GPC5: variants seen among roughly 807,000 people sequenced by gnomAD.
The protein encoded by GPC5 is glypican-5.
GPC5 carries 47 observed loss-of-function variants against 53.9 expected under a neutral mutation model. The observed-to-expected ratio is 0.87, with a 90% confidence interval of 0.69 to 1.11. GPC5 has a LOEUF of 1.11. Ranked by LOEUF, GPC5 falls within the 50% of genes most tolerant of loss-of-function variation. The probability of loss-of-function intolerance (pLI) is 0.00; values close to 1 mark genes in which losing one functional copy is unlikely to be tolerated. For synonymous variants in GPC5, 286 were observed against 263.3 expected (o/e 1.09, Z -0.84); for missense variants, 748 against 713.1 (o/e 1.05, Z -0.56).
At chr13:92,205,789 G>A (rs2042329591) in intron 7 of GPC5, among the ~76,000 whole-genome samples, 1 of 152,176 alleles carries the variant, frequency 6.6e-6, no homozygotes, top group Non-Finnish European at 1.5e-5. Flanking sequence ...GCTCACGCCT[G>A]TAATCCTAGC....
chr13:92,762,572 G>T (rs1395163818), intron 7 of GPC5, among the ~76,000 whole-genome samples: 1 of 152,070 alleles, frequency 6.6e-6, no homozygotes, highest in Non-Finnish European at 1.5e-5. Flanking sequence ...AGTTGAACAT[G>T]TCTGGAGTCT....
intron 7 of GPC5, among the ~76,000 whole-genome samples, chr13:92,555,730 T>C (rs1397047563): frequency 1.3e-5 from 2 of 149,722 alleles, no homozygotes; most frequent in African/African-American, 4.9e-5. Context: ...AATATATGAA[T>C]ATATAAATTT....
At chr13:91,474,451 T>C (rs1454987019) in intron 2 of GPC5, among the ~76,000 whole-genome samples, 2 of 152,140 alleles carry the variant, frequency 1.3e-5, no homozygotes, top group Non-Finnish European at 2.9e-5. Context: ...GAGTATATGA[T>C]TATATGAGCT....
intron 3 of GPC5, among the ~76,000 whole-genome samples, chr13:91,700,255 A>G (rs868342324): frequency 7.2e-5 from 11 of 152,174 alleles, no homozygotes; most frequent in Non-Finnish European, 7.3e-5. Flanking sequence ...GGCAAGTCCA[A>G]AATTCTTTAG....
At chr13:91,563,581 C>T (rs552275674) in intron 2 of GPC5, among the ~76,000 whole-genome samples, 23 of 152,182 alleles carry the variant, frequency 1.5e-4, no homozygotes, top group African/African-American at 2.9e-4. Context: ...ATAAATAGAA[C>T]GACTTAATTG....
intron 6 of GPC5, among the ~76,000 whole-genome samples, chr13:91,985,046 G>A (rs1178112540): frequency 6.6e-6 from 1 of 152,108 alleles, no homozygotes; most frequent in African/African-American, 2.4e-5. Context: ...TAATTAGAAA[G>A]TTATCGTAAA....
intron 6 of GPC5, among the ~76,000 whole-genome samples, chr13:91,954,170 T>G (rs1453947726): frequency 6.6e-6 from 1 of 152,166 alleles, no homozygotes; most frequent in African/African-American, 2.4e-5. Flanking sequence ...TAGGAAGGCA[T>G]GACATCGTTC....
At chr13:91,943,881 GA>G (rs879843330) in intron 6 of GPC5, among the ~76,000 whole-genome samples, 48 of 150,378 alleles carry the variant, frequency 3.2e-4, no homozygotes, top group African/African-American at 3.9e-4. Flanking sequence ...TTTTTTTTAA[GA>G]AAAAAAAGAT....
intron 2 of GPC5, among the ~76,000 whole-genome samples, chr13:91,570,824 A>G (rs931750886): frequency 2.6e-5 from 4 of 152,178 alleles, no homozygotes; most frequent in African/African-American, 9.6e-5. Context: ...TGGCCCATTG[A>G]TGGGATGCAT....
intron 2 of GPC5, among the ~76,000 whole-genome samples, chr13:91,685,571 A>C (rs1321305869): frequency 6.6e-6 from 1 of 152,204 alleles, no homozygotes; most frequent in Non-Finnish European, 1.5e-5. Flanking sequence ...AATACCTAAC[A>C]TAACAATAAA....
intron 7 of GPC5, among the ~76,000 whole-genome samples, chr13:92,715,210 T>C (rs1441276646): frequency 6.6e-6 from 1 of 152,214 alleles, no homozygotes; most frequent in Non-Finnish European, 1.5e-5. Flanking sequence ...TCAGCACAGG[T>C]TCCTGAAAAA....
intron 7 of GPC5, among the ~76,000 whole-genome samples, chr13:92,705,725 G>T (rs537536284): frequency 6.6e-6 from 1 of 152,140 alleles, no homozygotes; most frequent in South Asian, 2.1e-4. Context: ...AATGTATAAA[G>T]TTATTTTTTA....
rs188413027 is a variant in GPC5 at position 91,608,187 on chromosome 13, G to A, written c.326-85000G>A. ...TAAGGTGTGACAATTTCCAGGGAACGCATTGATTATTCAGCAATTATTTAT... is the reference window on the plus strand; with the variant it reads ...TAAGGTGTGACAATTTCCAGGGAACACATTGATTATTCAGCAATTATTTAT... On this transcript the variant is annotated intron_variant, in intron 2 of 7. Coordinates refer to ENST00000377067, the MANE Select transcript of GPC5 (RefSeq NM_004466.6). Among the ~76,000 whole-genome samples the A allele has an allele frequency of 7.2e-5, 11 of 152,230 alleles. No individual in the cohort carries two copies. In the East Asian group the frequency reaches 7.7e-4, roughly 11 times the overall value.
chr13:92,332,595 C>T (rs1427850451), intron 7 of GPC5, among the ~76,000 whole-genome samples: 1 of 152,056 alleles, frequency 6.6e-6, no homozygotes, highest in Non-Finnish European at 1.5e-5. Flanking sequence ...AATAAGCAAT[C>T]AACATATGTT....
chr13:92,396,399 T>C (rs1241804092), intron 7 of GPC5, among the ~76,000 whole-genome samples: 1 of 152,178 alleles, frequency 6.6e-6, no homozygotes, highest in Admixed American at 6.5e-5. Context: ...CTTTTTTCAT[T>C]AGTGCTTTTA....
chr13:91,843,401 G>C (rs1227633270), intron 5 of GPC5, among the ~76,000 whole-genome samples: 1 of 152,190 alleles, frequency 6.6e-6, no homozygotes, highest in Non-Finnish European at 1.5e-5. Flanking sequence ...GTATGTGAAG[G>C]ATCAGGGACA....
At chr13:91,419,141 T>A (rs1289758986) in intron 1 of GPC5, among the ~76,000 whole-genome samples, 1 of 152,162 alleles carries the variant, frequency 6.6e-6, no homozygotes, top group African/African-American at 2.4e-5. Flanking sequence ...AGCTAATAAT[T>A]TGAGCAAGAA....
chr13:92,681,709 T>G (rs1887116505), intron 7 of GPC5, among the ~76,000 whole-genome samples: 1 of 152,188 alleles, frequency 6.6e-6, no homozygotes, highest in South Asian at 2.1e-4. Flanking sequence ...ACTCCACCCC[T>G]TGTTCTGAAC....
chr13:92,825,021 A>T (rs2138814154), intron 7 of GPC5, among the ~76,000 whole-genome samples: 1 of 152,272 alleles, frequency 6.6e-6, no homozygotes, highest in East Asian at 1.9e-4. Flanking sequence ...AACACGTCAG[A>T]CAGACTGTAT....
Sources: allele counts gnomAD v4.1 joint callset (sites outside exome capture counted in the v4.1 genomes callset), GRCh38; gene constraint gnomAD v4.1.1; transcripts MANE v1.5; gene names NCBI Gene and HGNC (gene_info 2026-07-23, HGNC 2026-07-21).